SLC38A1: variants seen among roughly 807,000 people sequenced by gnomAD.
SLC38A1 encodes solute carrier family 38 member 1, also known as sodium-coupled neutral amino acid symporter 1.
Under a neutral mutation model 60.3 loss-of-function variants are expected in SLC38A1, and 18 were observed. That is an observed-to-expected ratio of 0.30 (90% CI 0.21 to 0.44). The LOEUF is 0.44. Among genes scored for constraint, SLC38A1 ranks in the 20% least tolerant of loss-of-function variants. The pLI, the probability that SLC38A1 is intolerant of heterozygous loss-of-function variation, is 1.00. For missense variants in SLC38A1, 448 were observed against 587.2 expected (o/e 0.76, Z 2.45); for synonymous variants, 196 against 212.1 (o/e 0.92, Z 0.66).
At chr12:46,254,787 A>G (rs1347240044) in intron 1 of SLC38A1, 1 of 152,990 alleles carries the variant, frequency 6.5e-6, no homozygotes, top group African/African-American at 2.4e-5. Flanking sequence ...GCAAATAACT[A>G]TATTGCTAAA....
At chr12:46,211,160 T>C (rs1940152605) in intron 5 of SLC38A1, among the ~76,000 whole-genome samples, 1 of 152,234 alleles carries the variant, frequency 6.6e-6, no homozygotes, top group South Asian at 2.1e-4. Context: ...CAATGCTAAG[T>C]AGCCACTTCT....
intron 5 of SLC38A1, among the ~76,000 whole-genome samples, chr12:46,211,706 C>A (rs986167744): frequency 6.6e-6 from 1 of 152,154 alleles, no homozygotes; most frequent in African/African-American, 2.4e-5. Context: ...TTCTTCCCCC[C>A]ACTTAAACAC....
chr12:46,233,373 C>A (rs1941146916), intron 3 of SLC38A1, among the ~76,000 whole-genome samples: 1 of 152,190 alleles, frequency 6.6e-6, no homozygotes, highest in South Asian at 2.1e-4. Context: ...GTCTATCCAG[C>A]AGTTTTCCTT....
intron 1 of SLC38A1, among the ~76,000 whole-genome samples, chr12:46,250,044 T>G (rs947766017): frequency 6.6e-6 from 1 of 152,138 alleles, no homozygotes; most frequent in Non-Finnish European, 1.5e-5. Flanking sequence ...AAAAAGAGAA[T>G]TTTAGGCCAA....
chr12:46,257,126 G>A (rs1035179393), intron 1 of SLC38A1, among the ~76,000 whole-genome samples: 5 of 152,152 alleles, frequency 3.3e-5, no homozygotes, highest in Non-Finnish European at 7.3e-5. Context: ...TTTTCCAGCA[G>A]TCCCATCAGC....
intron 1 of SLC38A1, among the ~76,000 whole-genome samples, chr12:46,248,713 T>C (rs944952767): frequency 6.6e-6 from 1 of 152,152 alleles, no homozygotes; most frequent in Non-Finnish European, 1.5e-5. Flanking sequence ...ATCAACAAAA[T>C]ATACATTCTT....
chr12:46,243,760 A>G (rs572572780), intron 1 of SLC38A1, among the ~76,000 whole-genome samples: 7 of 152,198 alleles, frequency 4.6e-5, no homozygotes, highest in Admixed American at 2.6e-4. Flanking sequence ...CACAACCGTA[A>G]TTACTATCTG....
intron 9 of SLC38A1, 152 bp from the exon 10 acceptor site, chr12:46,204,742 A>G: frequency 1.6e-6 from 1 of 613,982 alleles, no homozygotes; most frequent in Non-Finnish European, 2.8e-6. Context: ...CCAATAATAA[A>G]CATACATGCC....
chr12:46,229,395 A>G (rs1325653933), intron 4 of SLC38A1, 127 bp from the exon 5 acceptor site: 1 of 808,192 alleles, frequency 1.2e-6, no homozygotes, highest in East Asian at 2.6e-5. Context: ...ATTCTTAGTT[A>G]TCTAGTTATT....
At chr12:46,208,202 C>G (rs1243331857) in intron 6 of SLC38A1, among the ~76,000 whole-genome samples, 1 of 152,174 alleles carries the variant, frequency 6.6e-6, no homozygotes, top group African/African-American at 2.4e-5. Context: ...GAGCAGAAGA[C>G]TAATCTGTCA....
chr12:46,213,372 A>G (rs538607109), intron 5 of SLC38A1, among the ~76,000 whole-genome samples: 1 of 152,222 alleles, frequency 6.6e-6, no homozygotes, highest in East Asian at 1.9e-4. Flanking sequence ...ATTTATTTAC[A>G]TTACATTTTA....
At chr12:46,234,018 G>C (rs1197339697) in intron 3 of SLC38A1, among the ~76,000 whole-genome samples, 1 of 152,192 alleles carries the variant, frequency 6.6e-6, no homozygotes, top group Admixed American at 6.5e-5. Flanking sequence ...GATGGCAGTA[G>C]GAATTCACTT....
rs770300315 is a variant in SLC38A1 at position 46,197,750 on chromosome 12, C to T, written c.1332G>A (p.Gln444=). 2.5e-6 allele frequency: 4 copies of T among 1,602,158 alleles called. No homozygotes were observed. The highest frequency in any genetic ancestry group is 3.4e-6 in the Non-Finnish European group (4 of 1,176,582). ...TTCTTTGAGTTCCTTTATCTCCATC[C>T]TGGTCTGTGATTTTTAAATAAAGAG... is the stretch of plus-strand genomic sequence containing the variant. ...PSSLYLKITD[Q]DGDKGTQRIW... The change falls in exon 16 of 17, where the codon CAG becomes CAA. Residue 444 remains glutamine (Q), a synonymous_variant. Transcript: ENST00000398637.
chr12:46,198,587 C>T (rs758938460), intron 14 of SLC38A1, 38 bp downstream of exon 14: 1 of 1,418,144 alleles, frequency 7.1e-7, no homozygotes, highest in African/African-American at 1.4e-5. Context: ...AAGCCGAGAC[C>T]TCAGCTTTTC....
intron 1 of SLC38A1, among the ~76,000 whole-genome samples, chr12:46,260,858 T>G (rs1942174603): frequency 6.6e-6 from 1 of 152,140 alleles, no homozygotes; most frequent in South Asian, 2.1e-4. Flanking sequence ...CCACGCTACC[T>G]CCTGCTTCTT....
rs770793267 is a variant in SLC38A1 at position 46,239,748 on chromosome 12, A to G, written c.53T>C (p.Val18Ala). 2 of 1,613,478 alleles carry G rather than the reference A, an allele frequency of 1.2e-6. No individual in the cohort carries two copies. Among genetic ancestry groups the G allele is most frequent in the Non-Finnish European group, 1.7e-6 (2 of 1,179,890 alleles). ...ATTGCTAATGTTATCATCCTCGGGC[A>G]CTGTCATGTTTTGCAACTCAGTTAA... The part of the protein sequence containing the change: ...LELTELQNMT[V>A]PEDDNISNDS... The change falls in exon 3 of 17, where the codon GTG (valine) becomes GCG (alanine). Residue 18 changes from valine to alanine, a missense_variant. By Grantham distance (64) the Val-to-Ala change is moderately conservative (BLOSUM62 0). Around this residue, in one of 2 missense-constraint regions of SLC38A1, gnomAD observed 102 missense variants for 89.7 expected, o/e 1.14. Transcript: ENST00000398637.
intron 3 of SLC38A1, among the ~76,000 whole-genome samples, chr12:46,232,613 G>A (rs1245262514): frequency 6.6e-6 from 1 of 152,196 alleles, no homozygotes; most frequent in African/African-American, 2.4e-5. Flanking sequence ...GTGGGGACTG[G>A]ACTTTCCAAA....
intron 16 of SLC38A1, 155 bp downstream of exon 16, chr12:46,197,565 G>A: frequency 1.7e-6 from 1 of 601,944 alleles, no homozygotes; most frequent in Non-Finnish European, 2.9e-6. Flanking sequence ...ATTCTGATAT[G>A]ATATTTTAAA....
chr12:46,240,962 A>C (rs2138311860), intron 2 of SLC38A1, among the ~76,000 whole-genome samples: 1 of 152,306 alleles, frequency 6.6e-6, no homozygotes, highest in Non-Finnish European at 1.5e-5. Context: ...CAGCCTCACG[A>C]ATTAAAAAGC....
Sources: allele counts gnomAD v4.1 joint callset (sites outside exome capture counted in the v4.1 genomes callset), GRCh38; gene constraint gnomAD v4.1.1; regional missense constraint gnomAD v4.1.1; transcripts MANE v1.5; gene names NCBI Gene and HGNC (gene_info 2026-07-23, HGNC 2026-07-21).